The following MORC1 variants were observed in gnomAD, a reference collection of about 807,000 sequenced individuals.
The protein encoded by MORC1 is MORC family CW-type zinc finger 1, also known as MORC family CW-type zinc finger protein 1.
MORC1 carries 59 observed loss-of-function variants against 134.9 expected under a neutral mutation model. The ratio of observed to expected loss-of-function variants is 0.44; its 90% CI spans 0.35 to 0.54. The LOEUF (loss-of-function observed/expected upper bound fraction) is 0.54, where lower values mean the gene tolerates loss of function less well. MORC1 is among the 20% of genes least tolerant of loss of function. The pLI, the probability that MORC1 is intolerant of heterozygous loss-of-function variation, is 0.00. For missense variants in MORC1, 947 were observed against 1,134.5 expected, an observed-to-expected ratio of 0.83 and a Z score of 2.37; for synonymous variants, 395 against 391.7, an observed-to-expected ratio of 1.01 and a Z score of -0.10.
At position 108,998,530 on chromosome 3, in the gene MORC1, C is replaced by T. The variant is rs1056741841; in HGVS notation, c.2187+2027G>A. On this transcript the variant is annotated intron_variant, in intron 21 of 27. Transcript: ENST00000232603. ...CTGCACCACCATTAGCACTGAGTGC[C>T]TTCCTTCTTGAAATTTAATAGACAC... is the stretch of plus-strand genomic sequence containing the variant. Among the ~76,000 whole-genome samples, 13 of 152,058 alleles carry T rather than the reference C, an allele frequency of 8.5e-5. No homozygotes were observed. The East Asian group carries it at 2.5e-3, about 29-fold the overall frequency.
At chr3:109,035,636 T>C (rs1019714103) in intron 14 of MORC1, among the ~76,000 whole-genome samples, 168 bp from the exon 15 acceptor site, 3 of 152,138 alleles carry the variant, frequency 2.0e-5, no homozygotes, top group Non-Finnish European at 4.4e-5. Flanking sequence ...TGAATAGTGA[T>C]ATGATGAGTG....
rs1950354676 is a variant in MORC1 at position 109,073,204 on chromosome 3, T to C, written c.690-3447A>G. ...ATCTGTCCACAGTATTCTGCTGCTG[T>C]TTTAAATGCTGCTCCATGTGCCATG... On this transcript the variant is annotated intron_variant, in intron 8 of 27. Coordinates refer to ENST00000232603, the MANE Select transcript of MORC1 (RefSeq NM_014429.4). 2.6e-5 allele frequency among the ~76,000 whole-genome samples: 4 copies of C among 152,284 alleles called. 1 individual carries two copies. In the South Asian group the frequency reaches 8.3e-4, roughly 32 times the overall value.
intron 8 of MORC1, among the ~76,000 whole-genome samples, chr3:109,092,817 C>G (rs1264643520): frequency 2.6e-5 from 4 of 152,168 alleles, no homozygotes; most frequent in African/African-American, 9.6e-5. Context: ...ACAATCTCTT[C>G]TAGCTGTAGT....
At chr3:109,117,456 A>G (rs1951297897) in intron 1 of MORC1, among the ~76,000 whole-genome samples, 1 of 152,144 alleles carries the variant, frequency 6.6e-6, no homozygotes, top group Non-Finnish European at 1.5e-5. Flanking sequence ...AACCTCTGTC[A>G]TTCCCCTCTG....
chr3:109,088,587 A>T (rs1950658814), intron 8 of MORC1, among the ~76,000 whole-genome samples: 1 of 152,170 alleles, frequency 6.6e-6, no homozygotes, highest in Non-Finnish European at 1.5e-5. Flanking sequence ...GCTGCAGAGA[A>T]AAGGGAATAC....
chr3:109,110,034 A>G (rs1173391897), intron 3 of MORC1: 1 of 152,198 alleles, frequency 6.6e-6, no homozygotes, highest in East Asian at 1.9e-4. Flanking sequence ...AGTTATCTCA[A>G]GAGGTCCACG....
At position 109,090,454 on chromosome 3, in the gene MORC1, C is replaced by A. The variant is rs1293167656; in HGVS notation, c.689+2982G>T. 4.6e-5 allele frequency among the ~76,000 whole-genome samples: 7 copies of A among 151,862 alleles called. No homozygotes were observed. In the East Asian group the frequency reaches 5.8e-4, roughly 13 times the overall value. On this transcript the variant is annotated intron_variant, in intron 8 of 27. Coordinates refer to ENST00000232603, the MANE Select transcript of MORC1 (RefSeq NM_014429.4). The stretch of plus-strand genomic sequence containing the variant: ...CCAACATGGTGAAACCCCATCTCTA[C>A]TAAAAATACAAAACAATTAGCCTGG...
chr3:109,114,363 T>A (rs1464347187), intron 2 of MORC1, 21 bp downstream of exon 2: 1 of 1,595,478 alleles, frequency 6.3e-7, no homozygotes, highest in African/African-American at 1.3e-5. Context: ...TCAGTAACTG[T>A]TGTTTACAGA....
intron 17 of MORC1, among the ~76,000 whole-genome samples, chr3:109,024,845 G>T (rs1482399268): frequency 1.3e-5 from 2 of 152,200 alleles, no homozygotes; most frequent in Non-Finnish European, 2.9e-5. Context: ...ATTTGAAACT[G>T]AATGGGGCCA....
At chr3:109,035,298 A>G (rs1388233917) in intron 15 of MORC1, 42 bp downstream of exon 15, 22 of 1,527,916 alleles carry the variant, frequency 1.4e-5, no homozygotes, top group Non-Finnish European at 1.9e-5. Context: ...CATATTTAAG[A>G]GCCCTTAACA....
At chr3:109,114,247 T>C (rs767702394) in intron 2 of MORC1, 137 bp downstream of exon 2, 86 of 686,996 alleles carry the variant, frequency 1.3e-4, no homozygotes, top group Middle Eastern at 5.2e-4. Flanking sequence ...CTAGAACACC[T>C]TGATTTTATA....
At chr3:108,978,816 A>C (rs1372105459) in intron 24 of MORC1, among the ~76,000 whole-genome samples, 1 of 152,134 alleles carries the variant, frequency 6.6e-6, no homozygotes, top group Non-Finnish European at 1.5e-5. Context: ...CTCACCCCAC[A>C]CAAGACCCTT....
At chr3:109,003,199 T>C (rs1012959605) in intron 20 of MORC1, among the ~76,000 whole-genome samples, 28 of 150,672 alleles carry the variant, frequency 1.9e-4, no homozygotes, top group African/African-American at 6.6e-4. Context: ...GCAAAAACCA[T>C]ATGTGGTTTT....
intron 17 of MORC1, chr3:109,018,849 C>A (rs1382054982): frequency 6.6e-6 from 1 of 152,120 alleles, no homozygotes; most frequent in Non-Finnish European, 1.5e-5. Context: ...TTGAATGGGT[C>A]TTTGCAAACA....
chr3:109,018,774 T>C (rs1013501853), intron 17 of MORC1: 1 of 152,188 alleles, frequency 6.6e-6, no homozygotes, highest in African/African-American at 2.4e-5. Context: ...TTAGTAAATA[T>C]AGATATTTCA....
intron 24 of MORC1, among the ~76,000 whole-genome samples, chr3:108,978,809 A>G (rs1947633553): frequency 6.6e-6 from 1 of 152,040 alleles, no homozygotes; most frequent in Non-Finnish European, 1.5e-5. Context: ...CGAGCATCTC[A>G]CCCCACACAA....
intron 8 of MORC1, among the ~76,000 whole-genome samples, chr3:109,078,017 T>C (rs542662487): frequency 1.3e-5 from 2 of 152,224 alleles, no homozygotes; most frequent in South Asian, 4.1e-4. Context: ...ACGGGCATTA[T>C]GTATTAATAA....
intron 6 of MORC1, 40 bp from the exon 7 acceptor site, chr3:109,095,108 C>G: frequency 6.6e-7 from 1 of 1,508,292 alleles, no homozygotes; most frequent in South Asian, 1.3e-5. Context: ...ATGAAATACA[C>G]AAAAAACATT....
At chr3:108,990,898 T>TCTCTCTCTC (rs1559876202) in intron 21 of MORC1, among the ~76,000 whole-genome samples, 5 of 145,664 alleles carry the variant, frequency 3.4e-5, no homozygotes, top group African/African-American at 1.3e-4. Context: ...GTTTCTCTCT[T>TCTCTCTCTC]TCTCTCTCTC....
Sources: allele counts gnomAD v4.1 joint callset (sites outside exome capture counted in the v4.1 genomes callset), GRCh38; gene constraint gnomAD v4.1.1; transcripts MANE v1.5; gene names NCBI Gene and HGNC (gene_info 2026-07-23, HGNC 2026-07-21).